The following RYR2 variants were observed in gnomAD, a reference collection of about 807,000 sequenced individuals.
The protein encoded by RYR2 is ryanodine receptor 2.
Under a neutral mutation model 601.1 loss-of-function variants are expected in RYR2, and 227 were observed. The observed-to-expected ratio is 0.38, with a 90% CI of 0.34 to 0.42. The LOEUF is 0.42. Among genes scored for constraint, RYR2 ranks in the 10% least tolerant of loss-of-function variants. The pLI is 1.00. For missense variants in RYR2, 4,646 were observed against 6,156.5 expected, an observed-to-expected ratio of 0.75 and a Z score of 8.21; for synonymous variants, 2,223 against 2,175.1, an observed-to-expected ratio of 1.02 and a Z score of -0.61.
intron 71 of RYR2, among the ~76,000 whole-genome samples, chr1:237,712,970 T>G (rs988976583): frequency 2.0e-5 from 3 of 152,176 alleles, no homozygotes; most frequent in African/African-American, 7.2e-5. Flanking sequence ...ACAGAGTAGC[T>G]TAGGTACACC....
intron 80 of RYR2, among the ~76,000 whole-genome samples, chr1:237,746,953 A>C (rs1022339470): frequency 6.6e-6 from 1 of 152,198 alleles, no homozygotes; most frequent in Non-Finnish European, 1.5e-5. Context: ...TTGATACTGC[A>C]GTAGAACACA....
chr1:237,665,163 G>C (rs1036093699), intron 56 of RYR2, among the ~76,000 whole-genome samples: 3 of 152,122 alleles, frequency 2.0e-5, no homozygotes, highest in Non-Finnish European at 4.4e-5. Context: ...CACTTTGGGA[G>C]GCCGAGGCGG....
chr1:237,144,615 A>T (rs1206078233), intron 1 of RYR2, among the ~76,000 whole-genome samples: 1 of 152,234 alleles, frequency 6.6e-6, no homozygotes, highest in Non-Finnish European at 1.5e-5. Flanking sequence ...ACTTTTCTAT[A>T]GTAAATATTC....
chr1:237,274,419 A>T (rs1229330270), intron 2 of RYR2, among the ~76,000 whole-genome samples: 2 of 152,024 alleles, frequency 1.3e-5, no homozygotes, highest in East Asian at 3.8e-4. Flanking sequence ...AGTAAAAAAA[A>T]ATTAAAAAAT....
chr1:237,452,387 T>G (rs1203605172), intron 14 of RYR2, among the ~76,000 whole-genome samples: 1 of 146,342 alleles, frequency 6.8e-6, no homozygotes, highest in Non-Finnish European at 1.5e-5. Flanking sequence ...AAAGTATATA[T>G]TATACATTAT....
chr1:237,257,149 T>C (rs1167940284), intron 1 of RYR2, among the ~76,000 whole-genome samples: 1 of 152,210 alleles, frequency 6.6e-6, no homozygotes, highest in Non-Finnish European at 1.5e-5. Context: ...TTGATATCAT[T>C]GTAGGAGACA....
intron 65 of RYR2, among the ~76,000 whole-genome samples, chr1:237,700,886 C>T (rs1413741463): frequency 6.6e-6 from 1 of 152,202 alleles, no homozygotes; most frequent in Non-Finnish European, 1.5e-5. Flanking sequence ...ACGACTGAGA[C>T]AAAGTCTGTG....
chr1:237,184,667 T>C (rs992884964), intron 1 of RYR2, among the ~76,000 whole-genome samples: 9 of 152,194 alleles, frequency 5.9e-5, no homozygotes, highest in African/African-American at 1.9e-4. Context: ...GGTACAATGG[T>C]GGACTTATGA....
At chr1:237,700,028 G>C (rs576695246) in intron 64 of RYR2, among the ~76,000 whole-genome samples, 1 of 152,128 alleles carries the variant, frequency 6.6e-6, no homozygotes. Flanking sequence ...GACTATGAAG[G>C]CATTTGGAAA....
At chr1:237,310,082 C>T (rs1030745627) in intron 2 of RYR2, among the ~76,000 whole-genome samples, 2 of 152,178 alleles carry the variant, frequency 1.3e-5, no homozygotes, top group East Asian at 1.9e-4. Context: ...CAGGCTGAAA[C>T]GCTCCTAAAG....
intron 6 of RYR2, among the ~76,000 whole-genome samples, chr1:237,370,154 T>G (rs1438292548): frequency 1.3e-5 from 2 of 151,792 alleles, no homozygotes; most frequent in Admixed American, 1.3e-4. Context: ...TGTATATATG[T>G]AAATGTTTTA....
chr1:237,681,714 A>T (rs1221881657), intron 62 of RYR2, among the ~76,000 whole-genome samples: 1 of 152,042 alleles, frequency 6.6e-6, no homozygotes, highest in Non-Finnish European at 1.5e-5. Context: ...ACCCCTTCCC[A>T]CTTGAACATG....
rs556269614 is a variant in RYR2, at chr1:237,631,613, A to ATTTTTTTTTTTTTTTT, written c.6555+89_6555+104dup. The ATTTTTTTTTTTTTTTT allele has an allele frequency of 3.3e-4, 68 of 208,590 alleles. 14 individuals are homozygous for ATTTTTTTTTTTTTTTT. The African/African-American group carries it at 3.4e-3, about 10-fold the overall frequency. 12.9% of individuals were successfully genotyped at this position (208,590 alleles called of 1,614,324 possible). ...GTATATAGATTGATATAGAATGCAG[A>ATTTTTTTTTTTTTTTT]TTTTTTTTTTTTTTTTTTTTTTTTT... On this transcript the variant is annotated intron_variant, in intron 42 of 104. Transcript: ENST00000366574.
intron 90 of RYR2, 167 bp downstream of exon 90, chr1:237,785,139 C>A: frequency 1.6e-6 from 1 of 634,224 alleles, no homozygotes; most frequent in Non-Finnish European, 2.8e-6. Context: ...TTTTAAGAGT[C>A]CTTATGAATT....
intron 12 of RYR2, among the ~76,000 whole-genome samples, chr1:237,425,780 G>A (rs182076318): frequency 6.6e-6 from 1 of 152,218 alleles, no homozygotes; most frequent in Non-Finnish European, 1.5e-5. Flanking sequence ...TTGTCTTAGG[G>A]GTGGCAGAGA....
intron 3 of RYR2, among the ~76,000 whole-genome samples, chr1:237,342,200 G>A (rs1342925140): frequency 6.6e-6 from 1 of 151,246 alleles, no homozygotes. Flanking sequence ...CCATGCTGGA[G>A]TGCAGTGGTA....
chr1:237,487,955 AC>A (rs1662881203), intron 17 of RYR2, among the ~76,000 whole-genome samples: 1 of 152,080 alleles, frequency 6.6e-6, no homozygotes, highest in Non-Finnish European at 1.5e-5. Context: ...TTAATGTTAA[AC>A]CCCAAATTCT....
chr1:237,576,967 T>C (rs1358438461), intron 29 of RYR2, among the ~76,000 whole-genome samples: 2 of 152,184 alleles, frequency 1.3e-5, no homozygotes, highest in Admixed American at 6.5e-5. Flanking sequence ...ATACTCAGCA[T>C]TGGAGAGCAG....
chr1:237,496,467 GT>G, intron 19 of RYR2, 43 bp from the exon 20 acceptor site: 5 of 1,597,446 alleles, frequency 3.1e-6, no homozygotes, highest in South Asian at 1.1e-5. Context: ...ACAATGAAAG[GT>G]TTTTTTGGAC....
Sources: gnomAD v4.1 joint callset for allele counts (sites outside exome capture counted in the v4.1 genomes callset) on GRCh38, gnomAD v4.1.1 for gene constraint, MANE v1.5 for transcripts, NCBI Gene and HGNC (gene_info 2026-07-23, HGNC 2026-07-21) for gene names.